Variants in ERCC3 observed in about 807,000 individuals in gnomAD.
The protein encoded by ERCC3 is ERCC excision repair 3, TFIIH core complex helicase subunit.
Under a neutral mutation model 94.2 loss-of-function variants are expected in ERCC3, and 66 were observed. The observed-to-expected ratio is 0.70, with a 90% CI of 0.57 to 0.86. The LOEUF (loss-of-function observed/expected upper bound fraction) is 0.86, where lower values mean the gene tolerates loss of function less well. ERCC3 is among the 40% of genes least tolerant of loss of function. The probability of loss-of-function intolerance (pLI) is 0.00; values close to 1 mark genes in which losing one functional copy is unlikely to be tolerated. For missense variants in ERCC3, 829 were observed against 987.1 expected, an observed-to-expected ratio of 0.84 and a Z score of 2.15; for synonymous variants, 349 against 369.1, an observed-to-expected ratio of 0.95 and a Z score of 0.63.
At chr2:127,281,511 C>T (rs1219468699) in intron 8 of ERCC3, among the ~76,000 whole-genome samples, 2 of 152,084 alleles carry the variant, frequency 1.3e-5, no homozygotes, top group Non-Finnish European at 2.9e-5. Context: ...CACGGGCTCA[C>T]CTTTTAAAAA....
At position 127,294,102 on chromosome 2, in the gene ERCC3, G is replaced by C. The variant is rs768646647; in HGVS notation, c.-21C>G. The C allele has an allele frequency of 1.2e-6, 2 of 1,606,214 alleles. No individual in the cohort carries two copies. Among genetic ancestry groups the C allele is most frequent in the Non-Finnish European group, 1.7e-6 (2 of 1,179,350 alleles). On this transcript the variant is annotated 5_prime_UTR_variant, in exon 1 of 15. Coordinates refer to ENST00000285398, the MANE Select transcript of ERCC3 (RefSeq NM_000122.2). ...CCCATGGCAGCTACAGCAGCAGAGAGAAGATGACCCCGCTCCCACAGGCCC... is the reference window on the plus strand; with the variant it reads ...CCCATGGCAGCTACAGCAGCAGAGACAAGATGACCCCGCTCCCACAGGCCC...
chr2:127,282,262 T>C (rs1684941271), intron 8 of ERCC3, among the ~76,000 whole-genome samples: 1 of 152,188 alleles, frequency 6.6e-6, no homozygotes, highest in Non-Finnish European at 1.5e-5. Context: ...TTTGCATGAA[T>C]GAAATCATAG....
In ERCC3 at chr2:127,277,814, T is replaced by C. The variant is rs868391162; in HGVS notation, c.1730+1359A>G. Among the ~76,000 whole-genome samples the C allele has an allele frequency of 1.3e-5, 2 of 152,204 alleles. No homozygotes were observed. The highest frequency in any genetic ancestry group is 3.4e-3 in the Middle Eastern group (1 of 294). On this transcript the variant is annotated intron_variant, in intron 10 of 14. Transcript: ENST00000285398. This position sits in a 1 kb window ranked among gnomAD's most constrained non-coding sequence, Gnocchi z 5.1. Reference sequence around the variant, plus strand: ...TGCTATTCCCATATTGGGAGAATGGTAGGAGAGAAAACAGGAGTGGGGAGA... The same window carrying C: ...TGCTATTCCCATATTGGGAGAATGGCAGGAGAGAAAACAGGAGTGGGGAGA...
intron 3 of ERCC3, chr2:127,290,512 T>C (rs1685231977): frequency 3.4e-6 from 2 of 581,930 alleles, no homozygotes; most frequent in South Asian, 2.0e-5. Flanking sequence ...CATTAAGTTA[T>C]AAAACGCTGC....
chr2:127,290,931 A>C (rs1685248065), intron 3 of ERCC3: 1 of 152,886 alleles, frequency 6.5e-6, no homozygotes, highest in Admixed American at 6.5e-5. Flanking sequence ...AAAATATAAA[A>C]ATTAGCCGGG....
At chr2:127,278,245 A>G (rs1017458486) in intron 10 of ERCC3, among the ~76,000 whole-genome samples, 89 of 152,132 alleles carry the variant, frequency 5.9e-4, no homozygotes, top group African/African-American at 2.0e-3. Context: ...CTCCAAAAAA[A>G]AAAAAAGAAA....
At position 127,280,350 on chromosome 2, in the gene ERCC3, T is replaced by TC. The variant is rs1684869050; in HGVS notation, c.1527+96dup. 1.7e-6 allele frequency: 2 copies of TC among 1,150,374 alleles called. No individual in the cohort carries two copies. The highest frequency in any genetic ancestry group is 2.6e-6 in the Non-Finnish European group (2 of 781,956). The allele number at this position is 1,150,374 out of a possible 1,614,324, so 71.3% of individuals were successfully genotyped here. ...TGAAGTGGTAGCAGGTGAGCCTAAG[T>TC]CCTGACCTGTGTCTGCCCATGAGGA... is the stretch of plus-strand genomic sequence containing the variant. On this transcript the variant is annotated intron_variant, in intron 9 of 14. Coordinates refer to ENST00000285398, the MANE Select transcript of ERCC3 (RefSeq NM_000122.2). The surrounding 1 kb of genome is among the most constrained non-coding windows in gnomAD (Gnocchi z 6.3).
In ERCC3 at chr2:127,259,584, T is replaced by A. The variant is rs1041061119; in HGVS notation, c.2065-136A>T. 1.8e-6 allele frequency: 2 copies of A among 1,098,702 alleles called. No homozygotes were observed. The highest frequency in any genetic ancestry group is 2.8e-6 in the Non-Finnish European group (2 of 724,564). 68.1% of individuals were successfully genotyped at this position (1,098,702 alleles called of 1,614,324 possible). A position where few individuals can be genotyped will look rare whatever the true frequency, so the allele number is the denominator to read the frequency against. ...ACCCTGGTGGCCAACAATGGAGAGC[T>A]CCTCCCTAGCATTCCAGAGACCAGC... On this transcript the variant is annotated intron_variant, in intron 13 of 14. Coordinates refer to ENST00000285398, the MANE Select transcript of ERCC3 (RefSeq NM_000122.2). The surrounding 1 kb of genome is among the most constrained non-coding windows in gnomAD (Gnocchi z 4.9).
intron 12 of ERCC3, among the ~76,000 whole-genome samples, chr2:127,267,281 T>C (rs1162905590): frequency 1.3e-5 from 2 of 152,232 alleles, no homozygotes; most frequent in Non-Finnish European, 2.9e-5. Flanking sequence ...GGTGCTCCAA[T>C]GTTGGGCGCA....
intron 7 of ERCC3, among the ~76,000 whole-genome samples, chr2:127,287,538 G>A (rs1207688969): frequency 1.3e-5 from 2 of 152,178 alleles, no homozygotes; most frequent in African/African-American, 2.4e-5. Flanking sequence ...GGAGGCTGAG[G>A]CAGGAGAATA....
chr2:127,268,783 T>C lies in ERCC3; in HGVS notation c.1945+2553A>G, dbSNP rs373233347. 2.8e-4 allele frequency among the ~76,000 whole-genome samples: 42 copies of C among 152,328 alleles called. No homozygotes were observed. The East Asian group carries it at 5.8e-3, about 21-fold the overall frequency. On this transcript the variant is annotated intron_variant, in intron 12 of 14. Transcript: ENST00000285398. ...ACAGCAGGAAGAGTCATTCTCACCCTCGATCTTAGCAACCTTAGCATATGA... is the reference window on the plus strand; with the variant it reads ...ACAGCAGGAAGAGTCATTCTCACCCCCGATCTTAGCAACCTTAGCATATGA...
intron 13 of ERCC3, chr2:127,260,699 C>T (rs1047220473): frequency 1.2e-5 from 2 of 167,432 alleles, no homozygotes; most frequent in African/African-American, 4.8e-5. Context: ...AATTCCCCTA[C>T]TTCTAGAACC....
intron 2 of ERCC3, among the ~76,000 whole-genome samples, chr2:127,293,308 T>C (rs1031956082): frequency 6.6e-6 from 1 of 152,234 alleles, no homozygotes; most frequent in Non-Finnish European, 1.5e-5. Context: ...GGGTTAGAGC[T>C]GTTGGAAGCC....
Position 127,265,857 on chromosome 2 carries a change from T to C in ERCC3, c.1946-4511A>G, listed in dbSNP as rs1185369297. On this transcript the variant is annotated intron_variant, in intron 12 of 14. Coordinates refer to ENST00000285398, the MANE Select transcript of ERCC3 (RefSeq NM_000122.2). ...TTTGGGATTAGCTTGTTCTTATTTT[T>C]CTAGTTCCTTCAGGTGAAATCTCAA... Among the ~76,000 whole-genome samples, 6 of 152,238 alleles carry C rather than the reference T, an allele frequency of 3.9e-5. No individual in the cohort carries two copies. In the East Asian group the frequency reaches 1.2e-3, roughly 29 times the overall value.
intron 10 of ERCC3, among the ~76,000 whole-genome samples, chr2:127,278,109 G>A (rs1295332576): frequency 1.3e-5 from 2 of 151,868 alleles, no homozygotes; most frequent in Admixed American, 6.6e-5. Context: ...GTGGTGGTGC[G>A]TGCCTGTAGA....
At chr2:127,266,330 A>G (rs1313388471) in intron 12 of ERCC3, among the ~76,000 whole-genome samples, 3 of 112,232 alleles carry the variant, frequency 2.7e-5, no homozygotes, top group African/African-American at 3.7e-5. Flanking sequence ...GAATTTATTG[A>G]GTCTTTTTTT....
chr2:127,259,156 T>C lies in ERCC3; in HGVS notation c.2217+140A>G. 1.1e-6 allele frequency: 1 copy of C among 944,886 alleles called. No homozygotes were observed. Among genetic ancestry groups the C allele is most frequent in the East Asian group, 2.6e-5 (1 of 38,396 alleles). The allele number at this position is 944,886 out of a possible 1,614,324, so 58.5% of individuals were successfully genotyped here. A position where few individuals can be genotyped will look rare whatever the true frequency, so the allele number is the denominator to read the frequency against. On this transcript the variant is annotated intron_variant, in intron 14 of 14. Transcript: ENST00000285398. This position sits in a 1 kb window ranked among gnomAD's most constrained non-coding sequence, Gnocchi z 4.9. ...AAAAGGGCAACAAGGATTGTTTCTG[T>C]TCATCTCTTCCGTGTTTTCCAACAT...
chr2:127,289,285 G>C (rs1685184994), intron 6 of ERCC3, 52 bp downstream of exon 6: 2 of 1,544,832 alleles, frequency 1.3e-6, no homozygotes, highest in Non-Finnish European at 1.8e-6. Context: ...GGCTGGACTA[G>C]CTTCTAACAG....
intron 10 of ERCC3, among the ~76,000 whole-genome samples, chr2:127,276,154 C>G (rs1376101164): frequency 6.6e-6 from 1 of 152,308 alleles, no homozygotes; most frequent in Non-Finnish European, 1.5e-5. Flanking sequence ...TCCCCTAACA[C>G]ACGGTGGTGC....
Sources: gnomAD v4.1 joint callset for allele counts (sites outside exome capture counted in the v4.1 genomes callset) on GRCh38, gnomAD v4.1.1 for gene constraint, Gnocchi (gnomAD v3.1) non-coding constraint, MANE v1.5 for transcripts, NCBI Gene and HGNC (gene_info 2026-07-23, HGNC 2026-07-21) for gene names.